Variants in UBE2V2 observed in about 807,000 individuals in gnomAD.
The protein encoded by UBE2V2 is ubiquitin conjugating enzyme E2 V2, also known as ubiquitin-conjugating enzyme E2 variant 2.
UBE2V2 carries 9 observed loss-of-function variants against 17.2 expected under a neutral mutation model. The observed-to-expected ratio is 0.52, with a 90% CI of 0.32 to 0.91. UBE2V2 has a LOEUF of 0.91. UBE2V2 is among the 40% of genes least tolerant of loss of function. UBE2V2 has a pLI of 0.04. For synonymous variants in UBE2V2, 61 were observed against 57.5 expected, an observed-to-expected ratio of 1.06 and a Z score of -0.28; for missense variants, 133 against 182.6, an observed-to-expected ratio of 0.73 and a Z score of 1.56.
chr8:48,012,073 C>T (rs1369375875), intron 1 of UBE2V2, among the ~76,000 whole-genome samples: 1 of 152,200 alleles, frequency 6.6e-6, no homozygotes, highest in African/African-American at 2.4e-5. Context: ...ACAGGCAAGA[C>T]TAGAATCCAG....
chr8:48,018,929 T>A (rs971650596), intron 1 of UBE2V2, among the ~76,000 whole-genome samples: 9 of 152,186 alleles, frequency 5.9e-5, no homozygotes, highest in Admixed American at 1.3e-4. Flanking sequence ...GTTTTTGATT[T>A]AAAAATCTAT....
At chr8:48,044,357 C>T (rs2091484334) in intron 2 of UBE2V2, among the ~76,000 whole-genome samples, 1 of 152,132 alleles carries the variant, frequency 6.6e-6, no homozygotes. Context: ...CCATGTCGGC[C>T]AGGCTGGTCT....
At chr8:48,055,175 T>G (rs2154508110) in intron 3 of UBE2V2, among the ~76,000 whole-genome samples, 1 of 151,896 alleles carries the variant, frequency 6.6e-6, no homozygotes, top group Non-Finnish European at 1.5e-5. Context: ...AACATTTTTC[T>G]TACTCTTTTA....
intron 3 of UBE2V2, among the ~76,000 whole-genome samples, chr8:48,058,100 G>A (rs555542096): frequency 2.2e-4 from 34 of 152,288 alleles, no homozygotes; most frequent in Admixed American, 3.9e-4. Flanking sequence ...TTGTGAGGCC[G>A]AGGTGTGCAG....
At chr8:48,057,890 A>C (rs2091583004) in intron 3 of UBE2V2, among the ~76,000 whole-genome samples, 1 of 152,086 alleles carries the variant, frequency 6.6e-6, no homozygotes, top group Non-Finnish European at 1.5e-5. Flanking sequence ...ATTCCTTTGA[A>C]TTGTCTATAT....
At chr8:48,051,308 C>A (rs1489558363) in intron 3 of UBE2V2, among the ~76,000 whole-genome samples, 1 of 152,138 alleles carries the variant, frequency 6.6e-6, no homozygotes, top group Admixed American at 6.6e-5. Flanking sequence ...ATACAAAATA[C>A]ATTTTAGGAA....
chr8:48,005,937 C>G (rs1184795418), upstream of UBE2V2, among the ~76,000 whole-genome samples: 1 of 152,126 alleles, frequency 6.6e-6, no homozygotes, highest in East Asian at 1.9e-4. Flanking sequence ...GGATAGATTG[C>G]AAAAATTTTC....
the UBE2V2 span, among the ~76,000 whole-genome samples, chr8:47,999,830 C>A: frequency 5.9e-5 from 9 of 152,182 alleles, no homozygotes; most frequent in Non-Finnish European, 7.3e-5. Flanking sequence ...TCTCAAAAAC[C>A]GAGCTCCCCG....
At chr8:48,022,808 A>ATT (rs749451088) in intron 1 of UBE2V2, among the ~76,000 whole-genome samples, 4 of 137,052 alleles carry the variant, frequency 2.9e-5, no homozygotes, top group Admixed American at 7.4e-5. Flanking sequence ...TCCTGGTCGC[A>ATT]TTTTTTTTTT....
At chr8:48,024,176 T>A (rs188812499) in intron 1 of UBE2V2, among the ~76,000 whole-genome samples, 1 of 152,164 alleles carries the variant, frequency 6.6e-6, no homozygotes, top group African/African-American at 2.4e-5. Context: ...TTTAATAGAA[T>A]ATATGTTATG....
intron 1 of UBE2V2, among the ~76,000 whole-genome samples, chr8:48,036,163 C>T (rs772274251): frequency 6.6e-6 from 1 of 151,250 alleles, no homozygotes; most frequent in South Asian, 2.1e-4. Flanking sequence ...GCATGTTGCT[C>T]AGGCTTGTCT....
At chr8:48,039,543 A>G (rs1199611832) in intron 1 of UBE2V2, among the ~76,000 whole-genome samples, 1 of 151,856 alleles carries the variant, frequency 6.6e-6, no homozygotes, top group Non-Finnish European at 1.5e-5. Context: ...TTCTAGGAGG[A>G]ATTATTTCTG....
At chr8:48,022,343 C>G (rs2091311583) in intron 1 of UBE2V2, among the ~76,000 whole-genome samples, 1 of 151,764 alleles carries the variant, frequency 6.6e-6, no homozygotes, top group African/African-American at 2.4e-5. Context: ...ACCATGTTGG[C>G]TAGGCTGCTC....
At chr8:48,014,989 G>C (rs544221832) in intron 1 of UBE2V2, among the ~76,000 whole-genome samples, 1 of 150,440 alleles carries the variant, frequency 6.6e-6, no homozygotes, top group African/African-American at 2.4e-5. Context: ...GGCGGAGCTT[G>C]CAGTGAGCTG....
At chr8:48,049,714 T>C (rs1435001004) in intron 2 of UBE2V2, 139 bp from the exon 3 acceptor site, 1 of 695,600 alleles carries the variant, frequency 1.4e-6, no homozygotes, top group Non-Finnish European at 2.2e-6. Flanking sequence ...TAAATTTGAA[T>C]GTAGAAAAAT....
At chr8:47,998,121 A>T in the UBE2V2 span, among the ~76,000 whole-genome samples, 5 of 152,012 alleles carry the variant, frequency 3.3e-5, no homozygotes, top group African/African-American at 1.2e-4. Context: ...TGGAATCGAA[A>T]GTGCCATTTT....
At chr8:48,037,036 A>G (rs945448612) in intron 1 of UBE2V2, among the ~76,000 whole-genome samples, 2 of 152,116 alleles carry the variant, frequency 1.3e-5, no homozygotes, top group Non-Finnish European at 2.9e-5. Context: ...AATATTAGCC[A>G]TGCATCGTGG....
At chr8:48,030,954 G>A (rs1224337811) in intron 1 of UBE2V2, among the ~76,000 whole-genome samples, 1 of 152,190 alleles carries the variant, frequency 6.6e-6, no homozygotes, top group Non-Finnish European at 1.5e-5. Flanking sequence ...CCTGGGAAGT[G>A]GAGGTTGCAG....
intron 2 of UBE2V2, among the ~76,000 whole-genome samples, chr8:48,045,225 T>C (rs542489429): frequency 6.6e-6 from 1 of 152,272 alleles, no homozygotes; most frequent in East Asian, 1.9e-4. Flanking sequence ...GAGGCACTTA[T>C]AATAAAAAGC....
Sources: allele counts gnomAD v4.1 joint callset (sites outside exome capture counted in the v4.1 genomes callset), GRCh38; gene constraint gnomAD v4.1.1; transcripts MANE v1.5; gene names NCBI Gene and HGNC (gene_info 2026-07-23, HGNC 2026-07-21).